PPP1R12B: variants seen among roughly 807,000 people sequenced by gnomAD.
The protein encoded by PPP1R12B is protein phosphatase 1 regulatory subunit 12B, also known as myosin phosphatase target subunit 2.
A neutral mutation model predicts 126.1 loss-of-function variants in PPP1R12B; 76 were observed. The ratio of observed to expected loss-of-function variants is 0.60; its 90% confidence interval spans 0.50 to 0.73. The LOEUF (loss-of-function observed/expected upper bound fraction) is 0.73. Ranked by LOEUF, PPP1R12B falls within the 30% of genes least tolerant of loss-of-function variation. The pLI, the probability that PPP1R12B is intolerant of heterozygous loss-of-function variation, is 0.00. For missense variants in PPP1R12B, 1,052 were observed against 1,205.1 expected (o/e 0.87, Z 1.88); for synonymous variants, 356 against 434.7 (o/e 0.82, Z 2.25).
chr1:202,415,121 C>T (rs1184782030), intron 1 of PPP1R12B, among the ~76,000 whole-genome samples: 1 of 152,120 alleles, frequency 6.6e-6, no homozygotes, highest in Non-Finnish European at 1.5e-5. Flanking sequence ...CCTCAAAATG[C>T]AGCAGAAGTG....
chr1:202,409,521 C>A (rs1558189708), intron 1 of PPP1R12B, among the ~76,000 whole-genome samples: 1 of 151,968 alleles, frequency 6.6e-6, no homozygotes, highest in Non-Finnish European at 1.5e-5. Context: ...AGGGTTTCAC[C>A]ATGTTGGCCA....
chr1:202,511,222 G>T (rs1195932045), intron 18 of PPP1R12B, among the ~76,000 whole-genome samples: 2 of 143,952 alleles, frequency 1.4e-5, no homozygotes, highest in African/African-American at 2.5e-5. Context: ...CCACTATGTA[G>T]TTTTTTTTTT....
In PPP1R12B at chr1:202,349,154, C is replaced by G. The variant is rs1655445035; in HGVS notation, c.291+12C>G. On this transcript the variant is annotated intron_variant, in intron 1 of 23. Transcript: ENST00000608999. Reference sequence around the variant, plus strand: ...CAGCCCTGCACCAGGTAACTCCTTTCTTGGTCTTAGAGGCGTCCAGTCTCC... The same window carrying G: ...CAGCCCTGCACCAGGTAACTCCTTTGTTGGTCTTAGAGGCGTCCAGTCTCC... The G allele has an allele frequency of 6.2e-7, 1 of 1,613,340 alleles. No homozygotes were observed. The highest frequency in any genetic ancestry group is 1.7e-5 in the Admixed American group (1 of 59,966).
At chr1:202,564,382 T>G in intron 20 of PPP1R12B, 61 bp from the exon 21 acceptor site, 1 of 1,253,872 alleles carries the variant, frequency 8.0e-7, no homozygotes, top group Non-Finnish European at 1.1e-6. Context: ...GGCATTCTCA[T>G]GTGATGAAAT....
At chr1:202,354,480 G>A (rs114992515) in intron 1 of PPP1R12B, among the ~76,000 whole-genome samples, 3,090 of 152,252 alleles carry the variant, frequency 0.02, 43 homozygotes, top group Non-Finnish European at 0.028. Context: ...GAGGCGGGAG[G>A]ATAGCTTGAG....
chr1:202,438,803 T>C lies in PPP1R12B; in HGVS notation c.1458+779T>C, dbSNP rs1023278321. 1.1e-5 allele frequency: 9 copies of C among 803,100 alleles called. No homozygotes were observed. In the African/African-American group the frequency reaches 1.5e-4, roughly 13 times the overall value. 49.7% of individuals were successfully genotyped at this position (803,100 alleles called of 1,614,324 possible). A position where few individuals can be genotyped will look rare whatever the true frequency, so the allele number is the denominator to read the frequency against. On this transcript the variant is annotated intron_variant, in intron 10 of 23. Transcript: ENST00000608999. ...ACTGTGACGTCATCCAGGCCCTGGA[T>C]CTTAGTGTCTAACTCACGGACGTGG...
At chr1:202,479,461 T>C (rs1677072709) in intron 13 of PPP1R12B, among the ~76,000 whole-genome samples, 1 of 152,216 alleles carries the variant, frequency 6.6e-6, no homozygotes, top group Admixed American at 6.5e-5. Context: ...ACTTTTCCCC[T>C]TGAGGTATTT....
At chr1:202,480,043 A>C (rs1472463510) in intron 13 of PPP1R12B, among the ~76,000 whole-genome samples, 1 of 152,238 alleles carries the variant, frequency 6.6e-6, no homozygotes, top group Non-Finnish European at 1.5e-5. Context: ...AAGAGTTACC[A>C]AAAGACCAAA....
chr1:202,421,394 T>C (rs1212766415), intron 2 of PPP1R12B, among the ~76,000 whole-genome samples: 6 of 151,326 alleles, frequency 4.0e-5, no homozygotes, highest in Non-Finnish European at 8.8e-5. Flanking sequence ...CCCAGCACTT[T>C]GGGAGGCCGA....
chr1:202,457,580 A>G (rs1673800374), intron 13 of PPP1R12B, among the ~76,000 whole-genome samples: 1 of 151,928 alleles, frequency 6.6e-6, no homozygotes, highest in Non-Finnish European at 1.5e-5. Flanking sequence ...AAGAAAGAAA[A>G]CATTTTTTCT....
intron 23 of PPP1R12B, among the ~76,000 whole-genome samples, chr1:202,579,408 A>G (rs943577217): frequency 6.6e-6 from 1 of 152,232 alleles, no homozygotes; most frequent in Non-Finnish European, 1.5e-5. Context: ...TATTGAACAG[A>G]TACAGATGTA....
intron 15 of PPP1R12B, among the ~76,000 whole-genome samples, chr1:202,495,078 A>G (rs1489570205): frequency 1.3e-5 from 2 of 150,596 alleles, no homozygotes; most frequent in Non-Finnish European, 3.0e-5. Context: ...GGATTCTCAG[A>G]GTAGGAGTCT....
Position 202,449,048 on chromosome 1 carries a change from C to A in PPP1R12B, c.1727C>A (p.Ser576Tyr). ...GAGAAAACAGCAGACAATGTCTCTT[C>A]TAGCACCCCGCTCTGTGTGATCACC... ...TAEKTADNVS[S>Y]STPLCVITNR... The change falls in exon 13 of 24, where the codon TCT (serine) becomes TAT (tyrosine). Residue 576 changes from serine (S) to tyrosine (Y), a missense_variant. Coordinates refer to ENST00000608999, the MANE Select transcript of PPP1R12B (RefSeq NM_002481.4). The A allele has an allele frequency of 6.2e-7, 1 of 1,613,884 alleles. No individual in the cohort carries two copies. Among genetic ancestry groups the A allele is most frequent in the Non-Finnish European group, 8.5e-7 (1 of 1,179,854 alleles).
intron 18 of PPP1R12B, among the ~76,000 whole-genome samples, chr1:202,506,630 C>A (rs878933609): frequency 1.3e-5 from 2 of 152,102 alleles, no homozygotes; most frequent in Admixed American, 1.3e-4. Flanking sequence ...TTGACCTTTT[C>A]TTTTTTTGAT....
rs1042704545 is a variant in PPP1R12B at position 202,588,332 on chromosome 1, G to A, written c.*7772G>A. 2.0e-5 allele frequency: 3 copies of A among 152,582 alleles called. No homozygotes were observed. The highest frequency in any genetic ancestry group is 7.2e-5 in the African/African-American group (3 of 41,426). 9.5% of individuals were successfully genotyped at this position (152,582 alleles called of 1,614,324 possible). A position where few individuals can be genotyped will look rare whatever the true frequency, so the allele number is the denominator to read the frequency against. ...CTGTAAATACACCTGGGATGGGGTGGGGTTGGGGTTGTTTAGGGAGAAGCA... is the reference window on the plus strand; with the variant it reads ...CTGTAAATACACCTGGGATGGGGTGAGGTTGGGGTTGTTTAGGGAGAAGCA... On this transcript the variant is annotated 3_prime_UTR_variant, in exon 24 of 24. Transcript: ENST00000608999.
At chr1:202,546,678 T>C (rs1685683183) in intron 18 of PPP1R12B, among the ~76,000 whole-genome samples, 1 of 152,064 alleles carries the variant, frequency 6.6e-6, no homozygotes. Flanking sequence ...AGTGGGGAAA[T>C]GGTTTCACTT....
chr1:202,536,773 T>G (rs1257921349), intron 18 of PPP1R12B, among the ~76,000 whole-genome samples: 6 of 149,664 alleles, frequency 4.0e-5, no homozygotes, highest in Non-Finnish European at 7.4e-5. Flanking sequence ...TTTTATCTGT[T>G]TTTTTTTTTA....
At chr1:202,374,493 C>CTTTTTTT (rs1160730172) in intron 1 of PPP1R12B, among the ~76,000 whole-genome samples, 63 of 89,488 alleles carry the variant, frequency 7.0e-4, no homozygotes, top group East Asian at 1.5e-3. Context: ...TTGTCTCTCT[C>CTTTTTTT]TTTTTTTTTT....
intron 1 of PPP1R12B, among the ~76,000 whole-genome samples, chr1:202,416,152 A>G (rs571379070): frequency 4.6e-5 from 7 of 152,354 alleles, no homozygotes; most frequent in South Asian, 2.1e-4. Context: ...TTTTTATAAT[A>G]TAATGATGAA....
Sources: allele counts gnomAD v4.1 joint callset (sites outside exome capture counted in the v4.1 genomes callset), GRCh38; gene constraint gnomAD v4.1.1; transcripts MANE v1.5; gene names NCBI Gene and HGNC (gene_info 2026-07-23, HGNC 2026-07-21).